The following TMA7 variants were observed in gnomAD, a reference collection of about 807,000 sequenced individuals.
The protein encoded by TMA7 is translation machinery-associated protein 7.
TMA7 carries 5 observed loss-of-function variants against 12.5 expected under a neutral mutation model. The ratio of observed to expected loss-of-function variants is 0.40; its 90% CI spans 0.21 to 0.84. TMA7 has a LOEUF of 0.84. Ranked by LOEUF, TMA7 falls within the 40% of genes least tolerant of loss-of-function variation. The pLI, the probability that TMA7 is intolerant of heterozygous loss-of-function variation, is 0.36. For missense variants in TMA7, 71 were observed against 75.4 expected (o/e 0.94, Z 0.22); for synonymous variants, 36 against 28.1 (o/e 1.28, Z -0.89).
rs749325191 is a variant in TMA7 at position 48,440,333 on chromosome 3, A to AGGACTGCGG, written c.16+26_16+34dup. 1.4e-5 allele frequency: 23 copies of AGGACTGCGG among 1,611,746 alleles called. No homozygotes were observed. In the African/African-American group the frequency reaches 2.1e-4, roughly 15 times the overall value. ...CGAAGGTAAGTGTTCCGGAACCGTG[A>AGGACTGCGG]GGACTGCGGGGACGGCGGGGTGGGG... On this transcript the variant is annotated intron_variant, in intron 1 of 3. Coordinates refer to ENST00000438607, the MANE Select transcript of TMA7 (RefSeq NM_015933.6).
intron 3 of TMA7, 193 bp downstream of exon 3, chr3:48,440,821 C>T (rs2039543522): frequency 6.5e-6 from 4 of 614,192 alleles, no homozygotes; most frequent in East Asian, 2.8e-5. Flanking sequence ...AACGAGGTCT[C>T]CTGCCTCCCA....
intron 3 of TMA7, among the ~76,000 whole-genome samples, chr3:48,443,013 G>A (rs2039602743): frequency 6.6e-6 from 1 of 151,840 alleles, no homozygotes; most frequent in Admixed American, 6.6e-5. Context: ...GCTGAGGTGG[G>A]TGGACCACTT....
rs2039534877 is a variant in TMA7, at chr3:48,440,560, A to G, written c.92A>G (p.Gln31Arg). 4 of 1,611,942 alleles carry G rather than the reference A, an allele frequency of 2.5e-6. No individual in the cohort carries two copies. Among genetic ancestry groups the G allele is most frequent in the Non-Finnish European group, 3.4e-6 (4 of 1,179,770 alleles). Residue 31 changes from glutamine to arginine, a missense_variant, in exon 3 of 4, where the codon CAG (glutamine) becomes CGG (arginine). Coordinates refer to ENST00000438607, the MANE Select transcript of TMA7 (RefSeq NM_015933.6). ...EMDEEDKAFK[Q>R]KQKEEQKKLE... ...CCCCAGGAAGATAAGGCTTTCAAGC[A>G]GAAACAAAAAGAGGAGCAGAAGAAA...
intron 3 of TMA7, among the ~76,000 whole-genome samples, chr3:48,443,112 C>T (rs962131627): frequency 5.3e-5 from 8 of 151,602 alleles, no homozygotes; most frequent in Non-Finnish European, 8.8e-5. Context: ...TGGTGGCATG[C>T]GCCTTTAGTC....
At chr3:48,443,092 T>C (rs2039604139) in intron 3 of TMA7, among the ~76,000 whole-genome samples, 1 of 150,772 alleles carries the variant, frequency 6.6e-6, no homozygotes, top group Non-Finnish European at 1.5e-5. Context: ...ATACAAAAAT[T>C]AGCCGGGTAT....
rs576596946 is a variant in TMA7 at position 48,444,008 on chromosome 3, C to G, written c.*126C>G. 4.4e-6 allele frequency: 3 copies of G among 685,554 alleles called. No individual in the cohort carries two copies. The highest frequency in any genetic ancestry group is 6.4e-6 in the Non-Finnish European group (3 of 468,040). 42.5% of individuals were successfully genotyped at this position (685,554 alleles called of 1,614,324 possible). ...TAAGTGTTGTCTTGGAGCTGTTGTA[C>G]ATTTAAGAATAAACTTTTGTAAAAA... On this transcript the variant is annotated 3_prime_UTR_variant, in exon 4 of 4. Transcript: ENST00000438607.
intron 3 of TMA7, chr3:48,440,851 C>T: frequency 1.7e-6 from 1 of 592,036 alleles, no homozygotes; most frequent in Non-Finnish European, 3.0e-6. Context: ...GGCTTCCATT[C>T]CTTAGGAAGA....
chr3:48,442,275 A>G (rs996139439), intron 3 of TMA7, among the ~76,000 whole-genome samples: 25 of 151,778 alleles, frequency 1.6e-4, no homozygotes, highest in Non-Finnish European at 3.2e-4. Flanking sequence ...AAAAAAAAAA[A>G]AAAAGGTATC....
chr3:48,443,746 C>A, intron 3 of TMA7, 102 bp from the exon 4 acceptor site: 1 of 850,010 alleles, frequency 1.2e-6, no homozygotes, highest in Non-Finnish European at 1.7e-6. Context: ...AAGTGAATGC[C>A]CAATACAAAA....
intron 1 of TMA7, 45 bp from the exon 2 acceptor site, chr3:48,440,358 G>A (rs373491987): frequency 3.7e-6 from 6 of 1,611,728 alleles, no homozygotes; most frequent in Admixed American, 1.7e-5. Flanking sequence ...GCGGGGTGGG[G>A]ACCGGGCGGC....
In TMA7 at chr3:48,440,596, T is replaced by C. The variant is rs2039535961; in HGVS notation, c.128T>C (p.Leu43Pro). 7 of 1,611,720 alleles carry C rather than the reference T, an allele frequency of 4.3e-6. No individual in the cohort carries two copies. The highest frequency in any genetic ancestry group is 5.1e-6 in the Non-Finnish European group (6 of 1,179,738). The change falls in exon 3 of 4, where the codon CTA (leucine) becomes CCA (proline). Residue 43 changes from leucine to proline, a missense_variant. Physicochemically the swap from Leu to Pro is moderately conservative, Grantham distance 98. Transcript: ENST00000438607. ...QKEEQKKLEE[L>P]KAKAAGKGPL... ...GAGGAGCAGAAGAAACTCGAGGAGC[T>C]AAAAGCGAAGGCCGCGGGGAAGGGG...
chr3:48,440,371 G>T, intron 1 of TMA7, 32 bp from the exon 2 acceptor site: 1 of 1,611,820 alleles, frequency 6.2e-7, no homozygotes, highest in Non-Finnish European at 8.5e-7. Context: ...CGGGCGGCAG[G>T]GGCAGGCCGA....
In TMA7 at chr3:48,442,730, G is replaced by A. The variant is rs368395086; in HGVS notation, c.161-1118G>A. Among the ~76,000 whole-genome samples, 41 of 152,204 alleles carry A rather than the reference G, an allele frequency of 2.7e-4. No individual in the cohort carries two copies. The East Asian group carries it at 4.5e-3, about 17-fold the overall frequency. The stretch of plus-strand genomic sequence containing the variant: ...CTCCCAAAGTGCTGGGATTACAGGC[G>A]TGAGCCACCGCGCCTGGCCCAATCC... On this transcript the variant is annotated intron_variant, in intron 3 of 3. Transcript: ENST00000438607.
chr3:48,443,391 A>C (rs13317298), intron 3 of TMA7, among the ~76,000 whole-genome samples: 1 of 152,008 alleles, frequency 6.6e-6, no homozygotes, highest in Non-Finnish European at 1.5e-5. Context: ...CACTAAAAAT[A>C]CAAAAATTAG....
intron 3 of TMA7, 32 bp downstream of exon 3, chr3:48,440,660 C>T (rs1289710083): frequency 6.3e-7 from 1 of 1,592,194 alleles, no homozygotes; most frequent in Non-Finnish European, 8.6e-7. Context: ...CTCAAGCTGG[C>T]CAAACGCTAT....
In TMA7 at chr3:48,443,589, G is replaced by A. The variant is rs564526552; in HGVS notation, c.161-259G>A. ...TGTAAAATGGGTTGATATGGCATGA[G>A]GATTAAATAAGCCAATCTGTGAAGT... On this transcript the variant is annotated intron_variant, in intron 3 of 3. Coordinates refer to ENST00000438607, the MANE Select transcript of TMA7 (RefSeq NM_015933.6). Among the ~76,000 whole-genome samples, 28 of 151,990 alleles carry A rather than the reference G, an allele frequency of 1.8e-4. No individual in the cohort carries two copies. The East Asian group carries it at 3.7e-3, about 20-fold the overall frequency.
chr3:48,442,486 C>CT (rs1377115432), intron 3 of TMA7, among the ~76,000 whole-genome samples: 3 of 142,448 alleles, frequency 2.1e-5, no homozygotes, highest in Non-Finnish European at 3.0e-5. Context: ...TAGTCTCACT[C>CT]TGTCGCCCAG....
rs767582732 is a variant in TMA7, at chr3:48,440,525, C to T, written c.73-16C>T. 7 of 1,609,004 alleles carry T rather than the reference C, an allele frequency of 4.4e-6. No individual in the cohort carries two copies. The South Asian group carries it at 6.6e-5, about 15-fold the overall frequency. On this transcript the variant is annotated splice_polypyrimidine_tract_variant and intron_variant, in intron 2 of 3. Coordinates refer to ENST00000438607, the MANE Select transcript of TMA7 (RefSeq NM_015933.6). ...GGGAGACAGGCCTGAGTTGAACACG[C>T]TCTGCCTCTCCCCAGGAAGATAAGG... is the stretch of plus-strand genomic sequence containing the variant.
At chr3:48,442,418 C>T (rs1361995460) in intron 3 of TMA7, among the ~76,000 whole-genome samples, 1 of 142,236 alleles carries the variant, frequency 7.0e-6, no homozygotes. Context: ...CCCTTTGGAT[C>T]TTCTTTCCTG....
Sources: gnomAD v4.1 joint callset for allele counts (sites outside exome capture counted in the v4.1 genomes callset) on GRCh38, gnomAD v4.1.1 for gene constraint, MANE v1.5 for transcripts, NCBI Gene and HGNC (gene_info 2026-07-23, HGNC 2026-07-21) for gene names.